The following SPATA22 variants were observed in gnomAD, a reference collection of about 807,000 sequenced individuals.
SPATA22 encodes the protein spermatogenesis associated 22.
SPATA22 carries 29 observed loss-of-function variants against 47.8 expected under a neutral mutation model. The ratio of observed to expected loss-of-function variants is 0.61; its 90% CI spans 0.45 to 0.83. The LOEUF is 0.83. SPATA22 is among the 40% of genes least tolerant of loss of function. SPATA22 has a pLI of 0.00. For missense variants in SPATA22, 410 were observed against 421.7 expected, an observed-to-expected ratio of 0.97 and a Z score of 0.24; for synonymous variants, 133 against 140.9, an observed-to-expected ratio of 0.94 and a Z score of 0.40.
chr17:3,446,437 G>C, intron 7 of SPATA22, 35 bp downstream of exon 7: 1 of 1,580,024 alleles, frequency 6.3e-7, no homozygotes, highest in Non-Finnish European at 8.6e-7. Context: ...CCTCCAGAGA[G>C]TATTACTGAA....
intron 1 of SPATA22, among the ~76,000 whole-genome samples, chr17:3,496,468 C>G (rs1401866151): frequency 6.6e-6 from 1 of 152,130 alleles, no homozygotes; most frequent in East Asian, 1.9e-4. Context: ...GATGAGAAGC[C>G]AGCCATGTGG....
At chr17:3,499,681 T>G (rs1345811065) in intron 1 of SPATA22, 1 of 152,358 alleles carries the variant, frequency 6.6e-6, no homozygotes, top group Non-Finnish European at 1.5e-5. Context: ...CGTGCCCATG[T>G]GAGACTGCGA....
Position 3,481,851 on chromosome 17 carries a change from T to G in SPATA22, c.-73-12453A>C, listed in dbSNP as rs558544167. 1.4e-4 allele frequency: 197 copies of G among 1,442,296 alleles called. 1 individual carries two copies. Among genetic ancestry groups the G allele is most frequent in the Non-Finnish European group, 1.8e-4 (186 of 1,048,298 alleles). 89.3% of individuals were successfully genotyped at this position (1,442,296 alleles called of 1,614,324 possible). On this transcript the variant is annotated intron_variant, in intron 1 of 8. Transcript: ENST00000541913. Reference sequence around the variant, plus strand: ...TTAGCAAAGGACTTGTACTTTTAAGTCAATTATGGATGTGAGACAATCAGA... The same window carrying G: ...TTAGCAAAGGACTTGTACTTTTAAGGCAATTATGGATGTGAGACAATCAGA...
intron 1 of SPATA22, chr17:3,498,972 T>C (rs2073955894): frequency 3.1e-6 from 5 of 1,614,072 alleles, no homozygotes; most frequent in Non-Finnish European, 1.7e-6. Context: ...GGGCGGAGAC[T>C]GTACCGTGTA....
chr17:3,448,928 G>C lies in SPATA22; in HGVS notation c.551C>G (p.Ser184Cys). ...LLRQTHSSKI[S>C]GCTMRGLDKN... ...GTCTAGCCCTCTCATTGTGCAGCCA[G>C]ATATTTTTGATGAATGTGTTTGTCT... Residue 184 changes from serine to cysteine, a missense_variant, in exon 6 of 9, where the codon TCT becomes TGT. Coordinates refer to ENST00000572969, the MANE Select transcript of SPATA22 (RefSeq NM_001170698.2). 6.2e-7 allele frequency: 1 copy of C among 1,614,050 alleles called. No homozygotes were observed.
intron 1 of SPATA22, chr17:3,483,391 T>A: frequency 1.1e-6 from 1 of 917,104 alleles, no homozygotes; most frequent in Non-Finnish European, 1.8e-6. Flanking sequence ...GTCTTACCAA[T>A]CTTAGTTGAT....
chr17:3,473,972 G>A (rs186712884), upstream of SPATA22: 6 of 152,216 alleles, frequency 3.9e-5, no homozygotes, highest in African/African-American at 1.4e-4. Flanking sequence ...CTATCAGTTC[G>A]CTGAGAACTA....
upstream of SPATA22, among the ~76,000 whole-genome samples, chr17:3,472,647 A>G (rs2073460723): frequency 6.6e-6 from 1 of 152,184 alleles, no homozygotes. Flanking sequence ...TGGGCCAGGT[A>G]GTGGATTCTA....
chr17:3,475,496 T>G (rs1486298650), upstream of SPATA22: 3 of 152,392 alleles, frequency 2.0e-5, no homozygotes, highest in African/African-American at 7.2e-5. Flanking sequence ...AAGGGATGTT[T>G]CAGGGTAGCT....
intron 6 of SPATA22, among the ~76,000 whole-genome samples, chr17:3,446,836 C>A (rs2072737309): frequency 6.6e-6 from 1 of 152,134 alleles, no homozygotes; most frequent in Admixed American, 6.6e-5. Flanking sequence ...TATAGGTATT[C>A]ATTCACTCAT....
intron 1 of SPATA22, chr17:3,481,865 G>A (rs1385481220): frequency 7.3e-7 from 1 of 1,368,264 alleles, no homozygotes. Context: ...TTATGGATGT[G>A]AGACAATCAG....
At chr17:3,464,759 A>G (rs1210684310) in intron 3 of SPATA22, among the ~76,000 whole-genome samples, 2 of 126,936 alleles carry the variant, frequency 1.6e-5, no homozygotes, top group Non-Finnish European at 1.7e-5. Context: ...GCCCCGTCTG[A>G]GAAGTGAGGA....
rs1232880497 is a variant in SPATA22 at position 3,463,933 on chromosome 17, C to CCCTCTG, written c.173-1167_173-1166insCAGAGG. ...ATCCTCTCCCTCTCCCTCTCCCTCT[C>CCCTCTG]CCTCTCCCTCTCCCTCTGCCTCTCC... On this transcript the variant is annotated intron_variant, in intron 3 of 8. Transcript: ENST00000572969. Among the ~76,000 whole-genome samples the CCCTCTG allele has an allele frequency of 2.6e-3, 259 of 99,580 alleles. 2 individuals are homozygous for CCCTCTG. Among genetic ancestry groups the CCCTCTG allele is most frequent in the Admixed American group, 5.8e-3 (63 of 10,770 alleles). The allele number at this position is 99,580 out of a possible 152,430, so 65.3% of individuals were successfully genotyped here.
intron 7 of SPATA22, among the ~76,000 whole-genome samples, chr17:3,444,303 G>C (rs1311418426): frequency 1.3e-5 from 2 of 152,000 alleles, no homozygotes; most frequent in African/African-American, 4.8e-5. Context: ...AGATCCACGA[G>C]TGAACTGTGA....
chr17:3,462,462 A>C, intron 5 of SPATA22, 21 bp downstream of exon 5: 1 of 1,524,612 alleles, frequency 6.6e-7, no homozygotes, highest in Non-Finnish European at 8.9e-7. Flanking sequence ...AGAAGAAGAA[A>C]GAAATTTTAA....
intron 1 of SPATA22, 151 bp downstream of exon 1, chr17:3,471,531 C>T: frequency 3.0e-6 from 3 of 985,430 alleles, no homozygotes; most frequent in South Asian, 9.4e-5. Flanking sequence ...CACACACACA[C>T]ACCACCCACA....
At chr17:3,487,583 T>G (rs1485481237) in intron 1 of SPATA22, among the ~76,000 whole-genome samples, 2 of 152,232 alleles carry the variant, frequency 1.3e-5, no homozygotes, top group African/African-American at 4.8e-5. Flanking sequence ...TATCTCTTAT[T>G]GCTAAGCCTT....
At chr17:3,497,333 A>T (rs909448884) in intron 1 of SPATA22, among the ~76,000 whole-genome samples, 3 of 152,206 alleles carry the variant, frequency 2.0e-5, no homozygotes, top group Non-Finnish European at 4.4e-5. Context: ...CCTGTAAATC[A>T]TCTGGGGCCT....
At chr17:3,491,091 C>T (rs1025212546) in intron 1 of SPATA22, among the ~76,000 whole-genome samples, 6 of 152,142 alleles carry the variant, frequency 3.9e-5, no homozygotes, top group East Asian at 1.9e-4. Flanking sequence ...CTGTCCTACT[C>T]AGAACTGTAG....
Sources: allele counts gnomAD v4.1 joint callset (sites outside exome capture counted in the v4.1 genomes callset), GRCh38; gene constraint gnomAD v4.1.1; transcripts MANE v1.5; gene names NCBI Gene and HGNC (gene_info 2026-07-23, HGNC 2026-07-21).